The following NBAS variants were observed in gnomAD, a reference collection of about 807,000 sequenced individuals.
NBAS encodes NAG/BC035112 fusion.
A neutral mutation model predicts 302.5 loss-of-function variants in NBAS; 219 were observed. The ratio of observed to expected loss-of-function variants is 0.72; its 90% CI spans 0.65 to 0.81. The LOEUF is 0.81. Among genes scored for constraint, NBAS ranks in the 30% least tolerant of loss-of-function variants. The probability of loss-of-function intolerance (pLI) is 0.00; values close to 1 mark genes in which losing one functional copy is unlikely to be tolerated. For missense variants in NBAS, 2,932 were observed against 2,841.6 expected, an observed-to-expected ratio of 1.03 and a Z score of -0.72; for synonymous variants, 1,118 against 1,021.6, an observed-to-expected ratio of 1.09 and a Z score of -1.80.
At position 15,546,557 on chromosome 2, in the gene NBAS, C is replaced by T. The variant is rs540611628; in HGVS notation, c.379+4936G>A. On this transcript the variant is annotated intron_variant, in intron 6 of 51. Coordinates refer to ENST00000281513, the MANE Select transcript of NBAS (RefSeq NM_015909.4). ...CAGCCTGACCAACATGGTGAAACCC[C>T]GACTCTACTAAAAACACAAAAATTA... 2.6e-4 allele frequency among the ~76,000 whole-genome samples: 40 copies of T among 152,158 alleles called. No homozygotes were observed. In the South Asian group the frequency reaches 7.9e-3, roughly 30 times the overall value.
At chr2:15,530,413 G>T (rs1344751276) in intron 9 of NBAS, among the ~76,000 whole-genome samples, 1 of 151,798 alleles carries the variant, frequency 6.6e-6, no homozygotes, top group East Asian at 1.9e-4. Flanking sequence ...AGGAGATGCA[G>T]CACAAAAGAA....
intron 21 of NBAS, among the ~76,000 whole-genome samples, chr2:15,443,736 T>C (rs567929660): frequency 6.6e-6 from 1 of 151,466 alleles, no homozygotes; most frequent in South Asian, 2.1e-4. Flanking sequence ...GACGACATGA[T>C]TGTGTATCTA....
At chr2:14,849,149 A>G in the NBAS span, among the ~76,000 whole-genome samples, 961 of 141,726 alleles carry the variant, frequency 6.8e-3, 9 homozygotes, top group Middle Eastern at 0.014. Context: ...GGACATTCAA[A>G]CCAAAGGCAA....
At chr2:15,172,725 C>T (rs560173164) in intron 51 of NBAS, among the ~76,000 whole-genome samples, 13 of 152,192 alleles carry the variant, frequency 8.5e-5, no homozygotes, top group East Asian at 5.8e-4. Flanking sequence ...TTTTTGGATG[C>T]GGTTTGGATG....
the NBAS span, among the ~76,000 whole-genome samples, chr2:14,814,382 A>C: frequency 2.0e-5 from 3 of 152,202 alleles, no homozygotes; most frequent in Admixed American, 1.3e-4. Flanking sequence ...CTGTAGATCC[A>C]CAGGGGCAAA....
chr2:14,950,940 A>C, the NBAS span, among the ~76,000 whole-genome samples: 3 of 152,214 alleles, frequency 2.0e-5, no homozygotes, highest in South Asian at 6.2e-4. Flanking sequence ...CTCCCCCTCC[A>C]TCCTCCTCCA....
intron 22 of NBAS, 149 bp from the exon 23 acceptor site, chr2:15,424,617 C>A: frequency 2.4e-6 from 2 of 849,876 alleles, no homozygotes; most frequent in Non-Finnish European, 3.9e-6. Flanking sequence ...CACATGCACA[C>A]GCACCCTTAC....
chr2:15,301,864 C>T (rs1041444626), intron 40 of NBAS, among the ~76,000 whole-genome samples: 1 of 152,054 alleles, frequency 6.6e-6, no homozygotes, highest in African/African-American at 2.4e-5. Flanking sequence ...GGTATGGCTG[C>T]AGCATGGAAG....
the NBAS span, among the ~76,000 whole-genome samples, chr2:15,070,125 G>A: frequency 6.6e-6 from 1 of 152,320 alleles, no homozygotes; most frequent in East Asian, 1.9e-4. Flanking sequence ...CCTACTTACA[G>A]TGTGGTACTA....
the NBAS span, among the ~76,000 whole-genome samples, chr2:14,964,824 T>C: frequency 6.6e-6 from 1 of 152,094 alleles, no homozygotes; most frequent in African/African-American, 2.4e-5. Context: ...AGGATTTAAG[T>C]CACACAAAGT....
the NBAS span, among the ~76,000 whole-genome samples, chr2:15,110,057 C>T: frequency 6.6e-6 from 1 of 151,994 alleles, no homozygotes; most frequent in African/African-American, 2.4e-5. Flanking sequence ...AGACAAGAGA[C>T]TAGTAAAAGC....
intron 25 of NBAS, among the ~76,000 whole-genome samples, chr2:15,408,583 G>A (rs987299364): frequency 1.3e-5 from 2 of 151,990 alleles, no homozygotes; most frequent in African/African-American, 4.8e-5. Context: ...TAAACTCTCT[G>A]TTTTCACTTA....
rs61695437 is a variant in NBAS, at chr2:15,350,780, A to G, written c.4179+1212T>C. ...ATCTCATTAGTAATCAGAAAAATAT[A>G]AATCAATTAATTAGGTATCATTAAA... On this transcript the variant is annotated intron_variant, in intron 35 of 51. Transcript: ENST00000281513. Among the ~76,000 whole-genome samples the G allele has an allele frequency of 5.0e-3, 755 of 152,332 alleles. 10 individuals carry two copies. Among genetic ancestry groups the G allele is most frequent in the African/African-American group, 0.017 (700 of 41,566 alleles).
the NBAS span, among the ~76,000 whole-genome samples, chr2:14,981,579 A>G: frequency 6.6e-6 from 1 of 151,896 alleles, no homozygotes; most frequent in Non-Finnish European, 1.5e-5. Context: ...GCCAGGGACT[A>G]CTCTTCCTAG....
At chr2:15,034,264 G>T in the NBAS span, among the ~76,000 whole-genome samples, 1 of 99,122 alleles carries the variant, frequency 1.0e-5, no homozygotes, top group African/African-American at 4.3e-5. Flanking sequence ...AAGAAAGAAA[G>T]AAAGAAAGAA....
At chr2:15,109,331 T>C in the NBAS span, among the ~76,000 whole-genome samples, 20 of 152,156 alleles carry the variant, frequency 1.3e-4, no homozygotes, top group African/African-American at 2.4e-4. Flanking sequence ...AATGTTTGTT[T>C]CTAACTCAGT....
intron 50 of NBAS, among the ~76,000 whole-genome samples, chr2:15,185,874 G>A (rs544413261): frequency 3.9e-4 from 60 of 152,152 alleles, no homozygotes; most frequent in African/African-American, 1.4e-3. Flanking sequence ...GGATTTAAAG[G>A]ATCATATTTA....
intron 9 of NBAS, among the ~76,000 whole-genome samples, chr2:15,520,553 T>C (rs1662615306): frequency 1.3e-5 from 2 of 151,908 alleles, no homozygotes; most frequent in Non-Finnish European, 2.9e-5. Flanking sequence ...AGATTATAAA[T>C]ATTTTAGGCT....
chr2:15,227,784 G>A (rs374544194), intron 47 of NBAS, among the ~76,000 whole-genome samples: 34 of 152,012 alleles, frequency 2.2e-4, no homozygotes, highest in African/African-American at 6.5e-4. Flanking sequence ...ATAACCACAC[G>A]AAAAAGAATG....
Sources: allele counts gnomAD v4.1 joint callset (sites outside exome capture counted in the v4.1 genomes callset), GRCh38; gene constraint gnomAD v4.1.1; transcripts MANE v1.5; gene names NCBI Gene and HGNC (gene_info 2026-07-23, HGNC 2026-07-21).